CNTNAP5: variants seen among roughly 807,000 people sequenced by gnomAD.
The protein encoded by CNTNAP5 is contactin-associated protein-like 5.
A neutral mutation model predicts 150.2 loss-of-function variants in CNTNAP5; 72 were observed. That is an observed-to-expected ratio of 0.48 (90% CI 0.40 to 0.58). The LOEUF (loss-of-function observed/expected upper bound fraction) is 0.58, where lower values mean the gene tolerates loss of function less well. Ranked by LOEUF, CNTNAP5 falls within the 20% of genes least tolerant of loss-of-function variation. The pLI is 0.00. For missense variants in CNTNAP5, 1,636 were observed against 1,626.2 expected (o/e 1.01, Z -0.10); for synonymous variants, 672 against 619.8 (o/e 1.08, Z -1.25).
At chr2:124,507,801 A>T (rs185812162) in intron 8 of CNTNAP5, among the ~76,000 whole-genome samples, 218 of 152,348 alleles carry the variant, frequency 1.4e-3, no homozygotes, top group African/African-American at 5.1e-3. Flanking sequence ...AATATGTCAA[A>T]GAAGTACATT....
intron 11 of CNTNAP5, among the ~76,000 whole-genome samples, chr2:124,596,742 T>TA (rs1164719887): frequency 1.6e-4 from 1 of 6,250 alleles, no homozygotes; most frequent in African/African-American, 2.5e-4. Context: ...AGTGGGGTGT[T>TA]AAAGTCTCCC....
rs1015523132 is a variant in CNTNAP5 at position 124,811,015 on chromosome 2, G to A, written c.3217+12695G>A. Among the ~76,000 whole-genome samples, 4 of 149,140 alleles carry A rather than the reference G, an allele frequency of 2.7e-5. No homozygotes were observed. In the East Asian group the frequency reaches 7.7e-4, roughly 29 times the overall value. On this transcript the variant is annotated intron_variant, in intron 19 of 23. Coordinates refer to ENST00000682447, the MANE Select transcript of CNTNAP5 (RefSeq NM_001367498.1). ...TGAGATACAAGAAAACAGGCCATTTGGAAGGAGGATCCTAGAAAAGTCTGC... is the reference window on the plus strand; with the variant it reads ...TGAGATACAAGAAAACAGGCCATTTAGAAGGAGGATCCTAGAAAAGTCTGC...
intron 13 of CNTNAP5, among the ~76,000 whole-genome samples, chr2:124,683,543 C>CCTT (rs1212695468): frequency 6.6e-6 from 1 of 152,106 alleles, no homozygotes; most frequent in Non-Finnish European, 1.5e-5. Flanking sequence ...TGCCTCCCAC[C>CCTT]CTTCCCCTTG....
intron 7 of CNTNAP5, among the ~76,000 whole-genome samples, chr2:124,481,907 G>T (rs551577828): frequency 2.8e-4 from 43 of 152,286 alleles, no homozygotes; most frequent in Admixed American, 2.6e-3. Context: ...CAAAGATTGT[G>T]AACTTTTGAC....
intron 13 of CNTNAP5, among the ~76,000 whole-genome samples, chr2:124,708,389 G>A (rs1679738516): frequency 6.6e-6 from 1 of 152,166 alleles, no homozygotes; most frequent in Admixed American, 6.5e-5. Flanking sequence ...ATCATTGGTA[G>A]TTCTCAAAAG....
Position 124,902,883 on chromosome 2 carries a change from G to A in CNTNAP5, c.3438G>A (p.Glu1146=). The A allele has an allele frequency of 6.2e-7, 1 of 1,603,944 alleles. No individual in the cohort carries two copies. The highest frequency in any genetic ancestry group is 1.1e-5 in the South Asian group (1 of 90,424). Reference sequence around the variant, plus strand: ...TTCTGATTATCTTTTACATTGCAGAGAATCTTGGTTTGGATTCTGAAGTTG... The same window carrying A: ...TTCTGATTATCTTTTACATTGCAGAAAATCTTGGTTTGGATTCTGAAGTTG... ...IRSLTLGKVT[E]NLGLDSEVAK... Residue 1146 remains glutamate (E), a splice_region_variant and synonymous_variant, in exon 22 of 24, where the codon GAG becomes GAA. Coordinates refer to ENST00000682447, the MANE Select transcript of CNTNAP5 (RefSeq NM_001367498.1).
intron 1 of CNTNAP5, among the ~76,000 whole-genome samples, chr2:124,098,809 G>A (rs1203415355): frequency 6.6e-6 from 1 of 152,082 alleles, no homozygotes; most frequent in Non-Finnish European, 1.5e-5. Flanking sequence ...TATGCCTCTG[G>A]GAAACATCAG....
intron 1 of CNTNAP5, among the ~76,000 whole-genome samples, chr2:124,069,296 T>C (rs1463333620): frequency 2.0e-4 from 30 of 152,164 alleles, no homozygotes; most frequent in Admixed American, 1.8e-3. Flanking sequence ...CTTTGTCCTG[T>C]GGTTTGAGTG....
intron 1 of CNTNAP5, among the ~76,000 whole-genome samples, chr2:124,180,706 T>C (rs1685187410): frequency 6.6e-6 from 1 of 152,202 alleles, no homozygotes; most frequent in African/African-American, 2.4e-5. Context: ...TTTGGTAATA[T>C]GTTATGTGGA....
intron 19 of CNTNAP5, among the ~76,000 whole-genome samples, chr2:124,811,521 T>C (rs1171435284): frequency 6.6e-6 from 1 of 152,188 alleles, no homozygotes; most frequent in East Asian, 1.9e-4. Flanking sequence ...CTAAAGGATA[T>C]TGGCTGAAGA....
chr2:124,552,368 G>T (rs961240257), intron 10 of CNTNAP5, among the ~76,000 whole-genome samples: 1 of 152,142 alleles, frequency 6.6e-6, no homozygotes, highest in Non-Finnish European at 1.5e-5. Context: ...GTGACACCAG[G>T]ACAGGCCTGG....
At chr2:124,738,088 T>G (rs1201110233) in intron 13 of CNTNAP5, among the ~76,000 whole-genome samples, 1 of 152,220 alleles carries the variant, frequency 6.6e-6, no homozygotes, top group East Asian at 1.9e-4. Flanking sequence ...TTTCCAACTC[T>G]GCTTTTCATT....
chr2:124,716,061 G>A (rs142021053), intron 13 of CNTNAP5, among the ~76,000 whole-genome samples: 17 of 152,154 alleles, frequency 1.1e-4, no homozygotes, highest in Non-Finnish European at 2.4e-4. Context: ...CCTTGATTAA[G>A]TTACTTTTTT....
At chr2:124,617,126 A>G (rs1341581887) in intron 12 of CNTNAP5, among the ~76,000 whole-genome samples, 1 of 152,110 alleles carries the variant, frequency 6.6e-6, no homozygotes, top group Non-Finnish European at 1.5e-5. Flanking sequence ...CCAAAATGTA[A>G]CACAGAGACA....
At chr2:124,402,896 T>C (rs1273971036) in intron 3 of CNTNAP5, among the ~76,000 whole-genome samples, 1 of 152,224 alleles carries the variant, frequency 6.6e-6, no homozygotes. Flanking sequence ...AACCTATTTC[T>C]CTCATTTTCT....
At chr2:124,361,479 G>A (rs1350398446) in intron 3 of CNTNAP5, among the ~76,000 whole-genome samples, 1 of 145,044 alleles carries the variant, frequency 6.9e-6, no homozygotes, top group Non-Finnish European at 1.5e-5. Flanking sequence ...ATGTACAGAT[G>A]GGTTTTCGGT....
intron 12 of CNTNAP5, among the ~76,000 whole-genome samples, chr2:124,617,496 T>G (rs1030045449): frequency 6.6e-6 from 1 of 152,130 alleles, no homozygotes; most frequent in African/African-American, 2.4e-5. Context: ...TACCCTGCCT[T>G]CATGTGATGT....
chr2:124,911,390 C>T, intron 22 of CNTNAP5, 77 bp from the exon 23 acceptor site: 1 of 1,046,306 alleles, frequency 9.6e-7, no homozygotes, highest in Non-Finnish European at 1.5e-6. Context: ...GTGTGTCATT[C>T]CAGGTGGGCC....
intron 21 of CNTNAP5, among the ~76,000 whole-genome samples, chr2:124,888,961 A>G (rs961635506): frequency 1.3e-5 from 2 of 150,406 alleles, no homozygotes; most frequent in Non-Finnish European, 2.9e-5. Context: ...ACATTTGTCA[A>G]TTTTTGTTTT....
Sources: allele counts gnomAD v4.1 joint callset (sites outside exome capture counted in the v4.1 genomes callset), GRCh38; gene constraint gnomAD v4.1.1; transcripts MANE v1.5; gene names NCBI Gene and HGNC (gene_info 2026-07-23, HGNC 2026-07-21).